CDKAL1: variants seen among roughly 807,000 people sequenced by gnomAD.
CDKAL1 encodes the protein CDKAL1 threonylcarbamoyladenosine tRNA methylthiotransferase.
Under a neutral mutation model 68.2 loss-of-function variants are expected in CDKAL1, and 32 were observed. The observed-to-expected ratio is 0.47, with a 90% CI of 0.35 to 0.63. CDKAL1 has a LOEUF of 0.63. Among genes scored for constraint, CDKAL1 ranks in the 30% least tolerant of loss-of-function variants. The pLI is 0.00. For synonymous variants in CDKAL1, 234 were observed against 244.3 expected (o/e 0.96, Z 0.39); for missense variants, 606 against 696.7 (o/e 0.87, Z 1.47).
At chr6:20,774,035 C>A (rs1035035385) in intron 7 of CDKAL1, among the ~76,000 whole-genome samples, 5 of 151,932 alleles carry the variant, frequency 3.3e-5, no homozygotes, top group African/African-American at 1.2e-4. Flanking sequence ...CAAGGTGAGA[C>A]CAGTCATCAA....
chr6:20,724,415 A>C (rs983103980), intron 5 of CDKAL1, among the ~76,000 whole-genome samples: 1 of 151,906 alleles, frequency 6.6e-6, no homozygotes, highest in East Asian at 1.9e-4. Flanking sequence ...TTCTGATTAC[A>C]TGGCCAATTC....
chr6:21,146,850 CAAAAAA>C (rs1194653980), intron 13 of CDKAL1, among the ~76,000 whole-genome samples: 2 of 78,258 alleles, frequency 2.6e-5, no homozygotes. Context: ...GACTCCGTCT[CAAAAAA>C]AAAAAAAAAA....
intron 12 of CDKAL1, among the ~76,000 whole-genome samples, chr6:21,093,170 A>G (rs76791096): frequency 0.011 from 1,690 of 152,278 alleles, 27 homozygotes; most frequent in African/African-American, 0.038. Context: ...TGCCAAGACA[A>G]GAGAGAAAAG....
intron 4 of CDKAL1, among the ~76,000 whole-genome samples, chr6:20,627,620 G>A (rs1037919192): frequency 6.6e-6 from 1 of 152,160 alleles, no homozygotes; most frequent in South Asian, 2.1e-4. Flanking sequence ...TGCCTACTGA[G>A]AACCTTGCTA....
chr6:20,980,304 C>G (rs1176425683), intron 10 of CDKAL1, among the ~76,000 whole-genome samples: 1 of 152,092 alleles, frequency 6.6e-6, no homozygotes, highest in Non-Finnish European at 1.5e-5. Context: ...GTGGCGCGAT[C>G]TCGGCTCACT....
intron 8 of CDKAL1, among the ~76,000 whole-genome samples, chr6:20,829,442 C>G (rs756719765): frequency 1.3e-4 from 20 of 152,122 alleles, no homozygotes; most frequent in Admixed American, 3.3e-4. Context: ...CCTATATACT[C>G]AATACAACAA....
chr6:20,962,503 G>A (rs1385242976), intron 10 of CDKAL1, among the ~76,000 whole-genome samples: 1 of 152,066 alleles, frequency 6.6e-6, no homozygotes. Flanking sequence ...TTGTTGCATG[G>A]TAATTTATGA....
At chr6:20,849,033 C>T (rs1758854198) in intron 9 of CDKAL1, among the ~76,000 whole-genome samples, 1 of 151,876 alleles carries the variant, frequency 6.6e-6, no homozygotes, top group Non-Finnish European at 1.5e-5. Context: ...CCTCAAGCCA[C>T]CTTGGCCTCC....
At chr6:20,568,753 A>AC (rs372123460) in intron 4 of CDKAL1, among the ~76,000 whole-genome samples, 2,000 of 127,454 alleles carry the variant, frequency 0.016, 95 homozygotes, top group African/African-American at 0.045. Context: ...AAAAAAAACA[A>AC]AAAAACAAAA....
intron 12 of CDKAL1, among the ~76,000 whole-genome samples, chr6:21,071,615 G>A (rs1360570900): frequency 6.6e-6 from 1 of 151,932 alleles, no homozygotes; most frequent in Non-Finnish European, 1.5e-5. Flanking sequence ...CTTGATTCTG[G>A]TCGTTTGTCT....
At chr6:20,736,570 A>G (rs1248523790) in intron 5 of CDKAL1, among the ~76,000 whole-genome samples, 2 of 152,118 alleles carry the variant, frequency 1.3e-5, no homozygotes, top group Non-Finnish European at 2.9e-5. Flanking sequence ...GGAGATCGAG[A>G]CCATCCTGGC....
At chr6:20,905,403 C>A (rs1332856043) in intron 9 of CDKAL1, among the ~76,000 whole-genome samples, 1 of 151,800 alleles carries the variant, frequency 6.6e-6, no homozygotes, top group Non-Finnish European at 1.5e-5. Flanking sequence ...GTCTGAGGAA[C>A]AGAAAAAAGA....
chr6:20,857,096 G>A (rs1179102381), intron 9 of CDKAL1, among the ~76,000 whole-genome samples: 2 of 152,216 alleles, frequency 1.3e-5, no homozygotes, highest in Non-Finnish European at 2.9e-5. Flanking sequence ...CTGTTCTGCA[G>A]AGGTTATACG....
intron 4 of CDKAL1, among the ~76,000 whole-genome samples, chr6:20,616,839 C>CACACACA (rs1766928603): frequency 1.6e-5 from 2 of 121,392 alleles, no homozygotes; most frequent in South Asian, 2.9e-4. Flanking sequence ...CCCGACTCTA[C>CACACACA]CACACACACA....
At chr6:20,871,240 T>C (rs1003694774) in intron 9 of CDKAL1, among the ~76,000 whole-genome samples, 6 of 152,224 alleles carry the variant, frequency 3.9e-5, no homozygotes, top group Admixed American at 1.3e-4. Flanking sequence ...TTTCGTGATA[T>C]ATGTGCTTCT....
At chr6:21,023,190 G>A (rs1051824003) in intron 11 of CDKAL1, among the ~76,000 whole-genome samples, 1 of 150,472 alleles carries the variant, frequency 6.6e-6, no homozygotes, top group African/African-American at 2.5e-5. Context: ...TTTATTTAAA[G>A]TTTGTCCACA....
intron 7 of CDKAL1, among the ~76,000 whole-genome samples, chr6:20,780,318 G>C (rs1424754493): frequency 6.6e-6 from 1 of 151,938 alleles, no homozygotes; most frequent in Non-Finnish European, 1.5e-5. Context: ...TTTTGTGATA[G>C]TGTGTAAAAA....
chr6:20,889,469 T>A (rs1315910650), intron 9 of CDKAL1, among the ~76,000 whole-genome samples: 3 of 152,124 alleles, frequency 2.0e-5, no homozygotes, highest in African/African-American at 7.2e-5. Flanking sequence ...TGAATGGTAT[T>A]GCCTAGGTTT....
intron 10 of CDKAL1, among the ~76,000 whole-genome samples, chr6:20,976,756 C>T (rs1483728793): frequency 6.6e-6 from 1 of 152,182 alleles, no homozygotes; most frequent in Non-Finnish European, 1.5e-5. Context: ...TGGATTCATA[C>T]AGTATGTACT....
Sources: allele counts gnomAD v4.1 joint callset (sites outside exome capture counted in the v4.1 genomes callset), GRCh38; gene constraint gnomAD v4.1.1; transcripts MANE v1.5; gene names NCBI Gene and HGNC (gene_info 2026-07-23, HGNC 2026-07-21).